KLHL7: variants seen among roughly 807,000 people sequenced by gnomAD.
KLHL7 encodes kelch-like protein 7.
Under a neutral mutation model 67.4 loss-of-function variants are expected in KLHL7, and 44 were observed. That is an observed-to-expected ratio of 0.65 (90% confidence interval 0.51 to 0.84). The LOEUF is 0.84. Ranked by LOEUF, KLHL7 falls within the 40% of genes least tolerant of loss-of-function variation. KLHL7 has a pLI of 0.00. For synonymous variants in KLHL7, 252 were observed against 243.3 expected, an observed-to-expected ratio of 1.04 and a Z score of -0.33; for missense variants, 362 against 718.1, an observed-to-expected ratio of 0.50 and a Z score of 5.67.
intron 1 of KLHL7, among the ~76,000 whole-genome samples, chr7:23,108,354 C>T (rs760694756): frequency 2.6e-5 from 4 of 152,226 alleles, no homozygotes; most frequent in Non-Finnish European, 4.4e-5. Flanking sequence ...CCAGCAGCCT[C>T]GGCTTCTTCT....
At chr7:23,106,653 G>A (rs1782653894) in intron 1 of KLHL7, 4 of 1,019,628 alleles carry the variant, frequency 3.9e-6, no homozygotes, top group Non-Finnish European at 4.7e-6. Context: ...TCCTGTTCGT[G>A]CTAATTTAGA....
At chr7:23,132,015 T>C (rs548081916) in intron 4 of KLHL7, among the ~76,000 whole-genome samples, 1 of 152,318 alleles carries the variant, frequency 6.6e-6, no homozygotes, top group African/African-American at 2.4e-5. Flanking sequence ...TAGTACTCCA[T>C]TGTGTATATA....
chr7:23,156,302 A>C lies in KLHL7; in HGVS notation c.936+4093A>C, dbSNP rs1318986120. 5 of 199,044 alleles carry C rather than the reference A, an allele frequency of 2.5e-5. No individual in the cohort carries two copies. The South Asian group carries it at 3.7e-4, about 15-fold the overall frequency. The allele number at this position is 199,044 out of a possible 1,614,324, so 12.3% of individuals were successfully genotyped here. Reference sequence around the variant, plus strand: ...AAAGAAGTCTTGGGTTGCTATATTGAATTGAAATGATATTTTTCTTGTTAT... The same window carrying C: ...AAAGAAGTCTTGGGTTGCTATATTGCATTGAAATGATATTTTTCTTGTTAT... On this transcript the variant is annotated intron_variant, in intron 7 of 10. Coordinates refer to ENST00000339077, the MANE Select transcript of KLHL7 (RefSeq NM_001031710.3).
Position 23,123,852 on chromosome 7 carries a change from A to C in KLHL7, c.196A>C (p.Ser66Arg). ...TCATCGTGTTGTTCTTGCTGCAGCC[A>C]GTCATTTTTTTAACTTAATGTTCAC... ...PAHRVVLAAA[S>R]HFFNLMFTTN... The change falls in exon 2 of 11, where the codon AGT becomes CGT. Residue 66 changes from serine (S) to arginine (R), a missense_variant. Transcript: ENST00000339077. The C allele has an allele frequency of 6.2e-7, 1 of 1,613,140 alleles. No individual in the cohort carries two copies. The highest frequency in any genetic ancestry group is 1.1e-5 in the South Asian group (1 of 91,054).
At position 23,152,060 on chromosome 7, in the gene KLHL7, A is replaced by G. The variant is rs1562581547; in HGVS notation, c.794-7A>G. ...TTCTTGAAGCGTTGCCATGTATTTTACTACAGGTGGAATGAGGTACCATCT... is the reference window on the plus strand; with the variant it reads ...TTCTTGAAGCGTTGCCATGTATTTTGCTACAGGTGGAATGAGGTACCATCT... On this transcript the variant is annotated splice_region_variant and splice_polypyrimidine_tract_variant and intron_variant, in intron 6 of 10. Transcript: ENST00000339077. 6.2e-7 allele frequency: 1 copy of G among 1,613,724 alleles called. No homozygotes were observed.
intron 1 of KLHL7, among the ~76,000 whole-genome samples, chr7:23,109,089 C>G (rs999697761): frequency 6.6e-6 from 1 of 152,202 alleles, no homozygotes; most frequent in African/African-American, 2.4e-5. Context: ...AGCTATACCA[C>G]CTTCAGCTTT....
chr7:23,160,606 T>A (rs1159062733), intron 7 of KLHL7, among the ~76,000 whole-genome samples: 1 of 152,216 alleles, frequency 6.6e-6, no homozygotes, highest in Non-Finnish European at 1.5e-5. Context: ...TTAAGCCTGA[T>A]TTTATCTAGC....
At chr7:23,116,301 G>A (rs1275117645) in intron 1 of KLHL7, among the ~76,000 whole-genome samples, 2 of 152,156 alleles carry the variant, frequency 1.3e-5, no homozygotes, top group East Asian at 3.9e-4. Flanking sequence ...GGTCCCACAG[G>A]GACCACTATG....
intron 7 of KLHL7, among the ~76,000 whole-genome samples, chr7:23,157,907 G>A (rs920219804): frequency 6.6e-6 from 1 of 152,152 alleles, no homozygotes; most frequent in African/African-American, 2.4e-5. Context: ...GCACATATTC[G>A]ATTGAAGGCT....
intron 1 of KLHL7, among the ~76,000 whole-genome samples, chr7:23,108,592 CTG>C (rs1782742404): frequency 6.6e-6 from 1 of 152,188 alleles, no homozygotes; most frequent in African/African-American, 2.4e-5. Context: ...TATTCTAACT[CTG>C]TAACCATCGA....
rs1380456360 is a variant in KLHL7 at position 23,177,556 on chromosome 7, T to C, written c.*3258T>C. 4 of 152,156 alleles carry C rather than the reference T, an allele frequency of 2.6e-5. No homozygotes were observed. Among genetic ancestry groups the C allele is most frequent in the South Asian group, 2.1e-4 (1 of 4,818 alleles). 9.4% of individuals were successfully genotyped at this position (152,156 alleles called of 1,614,324 possible). On this transcript the variant is annotated 3_prime_UTR_variant, in exon 11 of 11. Coordinates refer to ENST00000339077, the MANE Select transcript of KLHL7 (RefSeq NM_001031710.3). ...ATAGTGCGTAAAAGTACACTCACCA[T>C]ACTGACAAGCACATTTTCTATTTTG...
Position 23,165,705 on chromosome 7 carries a change from G to C in KLHL7, c.944G>C (p.Ser315Thr), listed in dbSNP as rs767526849. The part of the protein sequence containing the change: ...SCRYFNPKDY[S>T]WTDIRCPFEK... ...CATCCTTTTCTGCTACAGGATTATA[G>C]CTGGACAGACATCCGCTGCCCCTTT... is the stretch of plus-strand genomic sequence containing the variant. The change falls in exon 8 of 11, where the codon AGC becomes ACC. Residue 315 changes from serine (S) to threonine (T), a missense_variant. Transcript: ENST00000339077. 16 of 1,613,934 alleles carry C rather than the reference G, an allele frequency of 9.9e-6. No homozygotes were observed. The highest frequency in any genetic ancestry group is 1.4e-5 in the Non-Finnish European group (16 of 1,179,992).
At chr7:23,154,355 A>AAAACAAAC (rs60259769) in intron 7 of KLHL7, among the ~76,000 whole-genome samples, 29 of 150,992 alleles carry the variant, frequency 1.9e-4, no homozygotes, top group South Asian at 4.2e-4. Context: ...ACTATGTCTC[A>AAAACAAAC]AAACAAACAA....
chr7:23,146,144 A>C (rs1784348805), intron 6 of KLHL7, among the ~76,000 whole-genome samples: 1 of 152,214 alleles, frequency 6.6e-6, no homozygotes, highest in Non-Finnish European at 1.5e-5. Flanking sequence ...GTACAGGTAC[A>C]GTGGGTACCT....
At position 23,124,850 on chromosome 7, in the gene KLHL7, A is replaced by G. The variant is rs767636728; in HGVS notation, c.317+69A>G. 2.5e-6 allele frequency: 3 copies of G among 1,201,290 alleles called. No individual in the cohort carries two copies. The Admixed American group carries it at 5.2e-5, about 21-fold the overall frequency. The allele number at this position is 1,201,290 out of a possible 1,614,324, so 74.4% of individuals were successfully genotyped here. ...TCTACCATGGCAAAGCATTGTCGTA[A>G]CAAATAGTTGCACTACAAATTCTTC... On this transcript the variant is annotated intron_variant, in intron 3 of 10. Coordinates refer to ENST00000339077, the MANE Select transcript of KLHL7 (RefSeq NM_001031710.3).
chr7:23,156,085 G>T, intron 7 of KLHL7: 1 of 420,774 alleles, frequency 2.4e-6, no homozygotes, highest in South Asian at 1.8e-5. Context: ...TTATAAATGA[G>T]TCATTCCTAA....
chr7:23,109,016 G>T (rs1465471539), intron 1 of KLHL7, among the ~76,000 whole-genome samples: 4 of 152,108 alleles, frequency 2.6e-5, no homozygotes, highest in African/African-American at 9.7e-5. Context: ...ATGCCTTTTG[G>T]TATGCATATG....
chr7:23,124,648 G>A (rs1270137634), intron 2 of KLHL7, 40 bp from the exon 3 acceptor site: 1 of 1,212,734 alleles, frequency 8.2e-7, no homozygotes, highest in East Asian at 2.3e-5. Context: ...CAAACTTGTG[G>A]TAGTACAGAT....
rs1485870949 is a variant in KLHL7, at chr7:23,175,808, A to C, written c.*1510A>C. The C allele has an allele frequency of 1.2e-5, 2 of 162,360 alleles. No homozygotes were observed. The highest frequency in any genetic ancestry group is 4.8e-5 in the African/African-American group (2 of 41,408). 10.1% of individuals were successfully genotyped at this position (162,360 alleles called of 1,614,324 possible). Reference sequence around the variant, plus strand: ...AGACCCCGTCTCTACTAAAAATACAAAAATTAGCCAGGCCTGGTGGTGTGC... The same window carrying C: ...AGACCCCGTCTCTACTAAAAATACACAAATTAGCCAGGCCTGGTGGTGTGC... On this transcript the variant is annotated 3_prime_UTR_variant, in exon 11 of 11. Transcript: ENST00000339077.
Sources: gnomAD v4.1 joint callset for allele counts (sites outside exome capture counted in the v4.1 genomes callset) on GRCh38, gnomAD v4.1.1 for gene constraint, MANE v1.5 for transcripts, NCBI Gene and HGNC (gene_info 2026-07-23, HGNC 2026-07-21) for gene names.